BBS4: variants seen among roughly 807,000 people sequenced by gnomAD.
BBS4 encodes the protein Bardet-Biedl syndrome 4, also known as BBSome complex member BBS4.
Under a neutral mutation model 71.4 loss-of-function variants are expected in BBS4, and 58 were observed. That is an observed-to-expected ratio of 0.81 (90% confidence interval 0.66 to 1.01). The LOEUF (loss-of-function observed/expected upper bound fraction) is 1.01. Among genes scored for constraint, BBS4 ranks in the 50% least tolerant of loss-of-function variants. BBS4 has a pLI of 0.00. For missense variants in BBS4, 660 were observed against 607.9 expected (o/e 1.09, Z -0.90); for synonymous variants, 228 against 216.8 (o/e 1.05, Z -0.46).
At chr15:72,709,842 C>G in intron 3 of BBS4, 63 bp downstream of exon 3, 2 of 1,354,110 alleles carry the variant, frequency 1.5e-6, no homozygotes. Context: ...CTAACAGTGC[C>G]TGCTAAACAG....
At chr15:72,687,096 T>G (rs1172377320) in intron 1 of BBS4, among the ~76,000 whole-genome samples, 1 of 139,156 alleles carries the variant, frequency 7.2e-6, no homozygotes, top group Non-Finnish European at 1.5e-5. Context: ...ATTATTCTAG[T>G]CTAATTAGAA....
intron 7 of BBS4, 117 bp from the exon 8 acceptor site, chr15:72,724,411 C>A: frequency 6.8e-7 from 1 of 1,479,610 alleles, no homozygotes; most frequent in Non-Finnish European, 9.3e-7. Context: ...GGGCTGTTTG[C>A]TGAAATGTGA....
intron 13 of BBS4, 154 bp downstream of exon 13, chr15:72,735,336 CTAAG>C: frequency 1.5e-6 from 1 of 686,640 alleles, no homozygotes; most frequent in Non-Finnish European, 2.7e-6. Context: ...GATGTGTCTC[CTAAG>C]TATGTGGTGG....
intron 8 of BBS4, among the ~76,000 whole-genome samples, chr15:72,725,231 A>G (rs908556616): frequency 6.9e-6 from 1 of 145,036 alleles, no homozygotes; most frequent in Non-Finnish European, 1.5e-5. Flanking sequence ...CAGCTAATTT[A>G]AAAAAAAAAA....
Position 72,737,567 on chromosome 15 carries a change from GAACA to G in BBS4, c.1543_1546del (p.Gln515Ter). ...GGAATCAAGTCCAACTGAAACATCA[GAACA>G]AATAAGAGAGAAATAAGAATAGAAT... On this transcript the variant is annotated frameshift_variant, in exon 16 of 16. Coordinates refer to ENST00000268057, the MANE Select transcript of BBS4 (RefSeq NM_033028.5). LOFTEE classifies it high-confidence loss of function. 1 of 1,608,874 alleles carries G rather than the reference GAACA, an allele frequency of 6.2e-7. No homozygotes were observed. The highest frequency in any genetic ancestry group is 2.2e-5 in the East Asian group (1 of 44,858).
In BBS4 at chr15:72,697,515, CA is replaced by C. The variant is rs538882680; in HGVS notation, c.76+2291del. Among the ~76,000 whole-genome samples, 208 of 152,270 alleles carry C rather than the reference CA, an allele frequency of 1.4e-3. 1 individual carries two copies. Among genetic ancestry groups the C allele is most frequent in the African/African-American group, 4.7e-3 (197 of 41,542 alleles). ...GACAGTAGCACTTAATTGTAACAAC[CA>C]AAAGTGTCTCCAGATGTTGCCAGTT... On this transcript the variant is annotated intron_variant, in intron 2 of 15. Transcript: ENST00000268057.
intron 3 of BBS4, among the ~76,000 whole-genome samples, chr15:72,710,253 T>G (rs1277444371): frequency 2.2e-5 from 3 of 133,716 alleles, no homozygotes; most frequent in Non-Finnish European, 4.6e-5. Flanking sequence ...TAGGCTGGAG[T>G]GCAGTGGCAT....
At chr15:72,704,511 A>T (rs1188093642) in intron 2 of BBS4, 1 of 1,193,922 alleles carries the variant, frequency 8.4e-7, no homozygotes, top group Non-Finnish European at 1.1e-6. Flanking sequence ...TTCAGGATTC[A>T]TAGATTCTAG....
intron 13 of BBS4, chr15:72,735,442 G>T: frequency 3.7e-6 from 2 of 537,350 alleles, no homozygotes; most frequent in Non-Finnish European, 6.8e-6. Context: ...AGTGGGCTTG[G>T]GTTGCTGATA....
At chr15:72,704,578 TA>T (rs1381261353) in intron 2 of BBS4, 1 of 634,120 alleles carries the variant, frequency 1.6e-6, no homozygotes, top group Non-Finnish European at 2.4e-6. Context: ...ATAATAATGG[TA>T]ATAAAAATAA....
In BBS4 at chr15:72,716,773, T is replaced by G. The variant is rs1488949860; in HGVS notation, c.333-5T>G. On this transcript the variant is annotated splice_region_variant and splice_polypyrimidine_tract_variant and intron_variant, in intron 5 of 15. Transcript: ENST00000268057. ...TAATAATTATGGAAAATATATCTTT[T>G]ACAGATTTCTTTTGGGAAAACATAA... 6.3e-7 allele frequency: 1 copy of G among 1,595,116 alleles called. No homozygotes were observed. Among genetic ancestry groups the G allele is most frequent in the East Asian group, 2.2e-5 (1 of 44,778 alleles).
At chr15:72,733,012 G>T (rs144835578) in intron 12 of BBS4, among the ~76,000 whole-genome samples, 25 of 152,334 alleles carry the variant, frequency 1.6e-4, no homozygotes, top group African/African-American at 5.8e-4. Context: ...TCAGGGCCCA[G>T]TAAAGGAGGC....
chr15:72,691,643 C>T lies in BBS4; in HGVS notation c.25-3534C>T, dbSNP rs1039024949. ...CTTATCCATTCCACTAGATGGAGAT[C>T]GGGATTATTTCTGGTTTTTAGTTAT... On this transcript the variant is annotated intron_variant, in intron 1 of 15. Transcript: ENST00000268057. Among the ~76,000 whole-genome samples, 21 of 152,012 alleles carry T rather than the reference C, an allele frequency of 1.4e-4. 1 individual carries two copies.
intron 2 of BBS4, among the ~76,000 whole-genome samples, chr15:72,695,966 T>C (rs1408950240): frequency 2.6e-5 from 4 of 152,234 alleles, no homozygotes; most frequent in Non-Finnish European, 5.9e-5. Flanking sequence ...TTGTAGGATG[T>C]AGCATTCTGT....
intron 3 of BBS4, among the ~76,000 whole-genome samples, chr15:72,711,696 A>T (rs918041116): frequency 6.6e-6 from 1 of 152,204 alleles, no homozygotes; most frequent in African/African-American, 2.4e-5. Flanking sequence ...GTACAAAAAT[A>T]TACAGGGCCT....
At chr15:72,724,835 C>T (rs975474721) in intron 8 of BBS4, among the ~76,000 whole-genome samples, 180 bp downstream of exon 8, 2 of 152,144 alleles carry the variant, frequency 1.3e-5, no homozygotes, top group Middle Eastern at 6.8e-3. Flanking sequence ...TTCTTTCTTA[C>T]CTATAAGGAT....
intron 5 of BBS4, 40 bp from the exon 6 acceptor site, chr15:72,716,738 A>C: frequency 6.9e-7 from 1 of 1,445,028 alleles, no homozygotes; most frequent in South Asian, 1.2e-5. Context: ...GTCTTCTAAG[A>C]ATTTTGAGGT....
chr15:72,737,999 T>A lies in BBS4; in HGVS notation c.*412T>A. The A allele has an allele frequency of 2.2e-6, 1 of 454,346 alleles. No homozygotes were observed. The highest frequency in any genetic ancestry group is 4.4e-6 in the Non-Finnish European group (1 of 226,954). The allele number at this position is 454,346 out of a possible 1,614,324, so 28.1% of individuals were successfully genotyped here. ...AGCTCTGTGATGACAAAGCCTTGGT[T>A]TAACTGAGGTGATCCTCAGGTTGTG... On this transcript the variant is annotated 3_prime_UTR_variant, in exon 16 of 16. Transcript: ENST00000268057.
At chr15:72,720,644 A>G (rs2065554897) in intron 6 of BBS4, among the ~76,000 whole-genome samples, 1 of 152,142 alleles carries the variant, frequency 6.6e-6, no homozygotes, top group South Asian at 2.1e-4. Context: ...AATTTCCCCC[A>G]TTGACAAGTG....
Sources: gnomAD v4.1 joint callset for allele counts (sites outside exome capture counted in the v4.1 genomes callset) on GRCh38, gnomAD v4.1.1 for gene constraint, MANE v1.5 for transcripts, NCBI Gene and HGNC (gene_info 2026-07-23, HGNC 2026-07-21) for gene names.